The following PRKCB variants were observed in gnomAD, a reference collection of about 807,000 sequenced individuals.
The protein encoded by PRKCB is protein kinase C beta type.
A neutral mutation model predicts 81.5 loss-of-function variants in PRKCB; 13 were observed. The ratio of observed to expected loss-of-function variants is 0.16; its 90% CI spans 0.10 to 0.25. The LOEUF (loss-of-function observed/expected upper bound fraction) is 0.25. PRKCB is among the 10% of genes least tolerant of loss of function. The pLI is 1.00. For missense variants in PRKCB, 509 were observed against 875.7 expected, an observed-to-expected ratio of 0.58 and a Z score of 5.29; for synonymous variants, 335 against 321.4, an observed-to-expected ratio of 1.04 and a Z score of -0.45.
intron 5 of PRKCB, among the ~76,000 whole-genome samples, chr16:24,038,413 A>C (rs987461504): frequency 1.3e-5 from 2 of 152,250 alleles, no homozygotes; most frequent in African/African-American, 4.8e-5. Flanking sequence ...TGCTTTTCCA[A>C]ATACTTTGAT....
At chr16:24,052,777 A>G (rs1965858602) in intron 5 of PRKCB, among the ~76,000 whole-genome samples, 1 of 152,192 alleles carries the variant, frequency 6.6e-6, no homozygotes, top group South Asian at 2.1e-4. Context: ...ATTTTGACCT[A>G]CTTCTTTAAC....
chr16:23,865,565 GTGTGTATA>G (rs1322086791), intron 2 of PRKCB, among the ~76,000 whole-genome samples: 9 of 8,170 alleles, frequency 1.1e-3, no homozygotes, highest in African/African-American at 3.5e-3. Flanking sequence ...GTGTGTGTGT[GTGTGTATA>G]TGTATATTTA....
In PRKCB at chr16:24,216,514, TC is replaced by T. The variant is rs933537249; in HGVS notation, c.*1700del. ...CACAGTTCAAGTGATTTCCAGAAGT[TC>T]CAGGGCTTCTGAGAGACCATCAAGG... On this transcript the variant is annotated 3_prime_UTR_variant, in exon 17 of 17. Coordinates refer to ENST00000643927, the MANE Select transcript of PRKCB (RefSeq NM_002738.7). 59 of 985,414 alleles carry T rather than the reference TC, an allele frequency of 6.0e-5. 1 individual carries two copies. The African/African-American group carries it at 9.4e-4, about 16-fold the overall frequency. The allele number at this position is 985,414 out of a possible 1,614,324, so 61.0% of individuals were successfully genotyped here.
chr16:24,119,351 C>A lies in PRKCB; in HGVS notation c.919-4484C>A, dbSNP rs546500862. ...AAATCAACCCCTCTTCCCACCCCCC[C>A]AAAAAAGTCCTTATCTGTCCACTAC... is the stretch of plus-strand genomic sequence containing the variant. On this transcript the variant is annotated intron_variant, in intron 8 of 16. Transcript: ENST00000643927. Among the ~76,000 whole-genome samples the A allele has an allele frequency of 3.3e-5, 5 of 151,988 alleles. No homozygotes were observed. In the South Asian group the frequency reaches 8.3e-4, roughly 25 times the overall value.
intron 2 of PRKCB, among the ~76,000 whole-genome samples, chr16:23,875,565 GTGTATATCAAACACA>G (rs1322290740): frequency 1.0e-4 from 2 of 19,980 alleles, no homozygotes; most frequent in African/African-American, 2.2e-4. Context: ...TCACACACAT[GTGTATATCAAACACA>G]TATGTATATC....
At chr16:23,967,039 C>T (rs1049007558) in intron 2 of PRKCB, among the ~76,000 whole-genome samples, 1 of 148,848 alleles carries the variant, frequency 6.7e-6, no homozygotes, top group South Asian at 2.1e-4. Flanking sequence ...AAGCACAGTA[C>T]ATGCTGTGAA....
intron 7 of PRKCB, among the ~76,000 whole-genome samples, chr16:24,095,374 T>C (rs1451254849): frequency 5.3e-5 from 8 of 151,808 alleles, no homozygotes; most frequent in South Asian, 2.1e-4. Flanking sequence ...GATGCAGTAA[T>C]AGGGGTGTGA....
intron 5 of PRKCB, among the ~76,000 whole-genome samples, chr16:24,075,001 C>T (rs933723172): frequency 6.6e-5 from 10 of 151,872 alleles, no homozygotes; most frequent in Admixed American, 4.6e-4. Flanking sequence ...TGCCTATAGT[C>T]CCAGCTACTC....
intron 2 of PRKCB, among the ~76,000 whole-genome samples, chr16:23,945,460 C>T (rs537588637): frequency 9.2e-5 from 14 of 152,262 alleles, no homozygotes; most frequent in East Asian, 5.8e-4. Flanking sequence ...GGCAGGGTGC[C>T]GGCAGCCCTT....
intron 8 of PRKCB, among the ~76,000 whole-genome samples, chr16:24,121,052 T>C (rs1966793927): frequency 1.3e-5 from 2 of 152,234 alleles, no homozygotes; most frequent in African/African-American, 2.4e-5. Flanking sequence ...GTCATGCTCA[T>C]AGTCAGCCTG....
chr16:23,975,599 C>G (rs900167930), intron 2 of PRKCB, among the ~76,000 whole-genome samples: 2 of 152,130 alleles, frequency 1.3e-5, no homozygotes, highest in African/African-American at 2.4e-5. Context: ...CGCCTGAACA[C>G]CCACTGAAAC....
At chr16:24,089,611 A>T (rs78473914) in intron 5 of PRKCB, among the ~76,000 whole-genome samples, 7,698 of 151,996 alleles carry the variant, frequency 0.051, 668 homozygotes, top group African/African-American at 0.17. Flanking sequence ...CTCTACAAAA[A>T]TTTTTTTAAA....
chr16:24,100,796 C>A (rs970647266), intron 7 of PRKCB, among the ~76,000 whole-genome samples: 1 of 152,142 alleles, frequency 6.6e-6, no homozygotes, highest in Non-Finnish European at 1.5e-5. Flanking sequence ...GAGTTTATTA[C>A]TCAAATCAGC....
chr16:24,087,467 A>G (rs1268004838), intron 5 of PRKCB, among the ~76,000 whole-genome samples: 1 of 152,202 alleles, frequency 6.6e-6, no homozygotes, highest in Non-Finnish European at 1.5e-5. Context: ...ACACATCCTC[A>G]GGCTGAATAT....
At chr16:24,181,852 C>T (rs1356724818) in intron 13 of PRKCB, among the ~76,000 whole-genome samples, 1 of 133,690 alleles carries the variant, frequency 7.5e-6, no homozygotes. Context: ...ATACACAGAA[C>T]ACTGTTCTGT....
intron 5 of PRKCB, among the ~76,000 whole-genome samples, chr16:24,047,871 T>C (rs956043140): frequency 2.6e-5 from 4 of 152,166 alleles, no homozygotes; most frequent in Admixed American, 1.3e-4. Flanking sequence ...GGTCAGAATC[T>C]TTCTTGTGAT....
intron 2 of PRKCB, among the ~76,000 whole-genome samples, chr16:23,974,905 G>C (rs1964604848): frequency 6.6e-6 from 1 of 152,140 alleles, no homozygotes; most frequent in Non-Finnish European, 1.5e-5. Context: ...TTCTGTCCTT[G>C]TCCCAAGAAT....
At chr16:23,968,172 A>G (rs1357792489) in intron 2 of PRKCB, among the ~76,000 whole-genome samples, 1 of 152,032 alleles carries the variant, frequency 6.6e-6, no homozygotes, top group East Asian at 1.9e-4. Flanking sequence ...CTAGGTTCAA[A>G]CCTACCTGCC....
chr16:24,003,416 G>A (rs1030105077), intron 3 of PRKCB, among the ~76,000 whole-genome samples: 15 of 144,530 alleles, frequency 1.0e-4, no homozygotes, highest in African/African-American at 3.1e-4. Context: ...ACAAAGTCTC[G>A]CTCTGTTGCC....
Sources: allele counts gnomAD v4.1 joint callset (sites outside exome capture counted in the v4.1 genomes callset), GRCh38; gene constraint gnomAD v4.1.1; transcripts MANE v1.5; gene names NCBI Gene and HGNC (gene_info 2026-07-23, HGNC 2026-07-21).